KCNIP4: variants seen among roughly 807,000 people sequenced by gnomAD.
KCNIP4 encodes the protein potassium voltage-gated channel interacting protein 4.
In KCNIP4, 12 loss-of-function variants were observed where a neutral mutation model predicts 34.0. The ratio of observed to expected loss-of-function variants is 0.35; its 90% confidence interval spans 0.23 to 0.57. The LOEUF is 0.57. KCNIP4 is among the 20% of genes least tolerant of loss of function. KCNIP4 has a pLI of 0.83. For synonymous variants in KCNIP4, 124 were observed against 102.2 expected (o/e 1.21, Z -1.29); for missense variants, 238 against 311.7 (o/e 0.76, Z 1.78).
chr4:20,955,311 G>A (rs2149648798), intron 1 of KCNIP4, among the ~76,000 whole-genome samples: 1 of 152,272 alleles, frequency 6.6e-6, no homozygotes, highest in African/African-American at 2.4e-5. Flanking sequence ...CCCTCAAACA[G>A]CTATTAATAT....
intron 1 of KCNIP4, among the ~76,000 whole-genome samples, chr4:20,932,816 G>C (rs1276677513): frequency 6.6e-6 from 1 of 151,968 alleles, no homozygotes. Flanking sequence ...AAACAAATGA[G>C]AAAAAAATTG....
rs144683044 is a variant in KCNIP4, at chr4:21,283,147, C to T, written c.62-400438G>A. ...TCCAGAAAAGGAAAATCTATAAAGA[C>T]GGAAAGTAGATTAGTAGTTGCCTGG... On this transcript the variant is annotated intron_variant, in intron 1 of 8. Coordinates refer to ENST00000382152, the MANE Select transcript of KCNIP4 (RefSeq NM_025221.6). 2.8e-4 allele frequency among the ~76,000 whole-genome samples: 43 copies of T among 152,158 alleles called. No homozygotes were observed. In the East Asian group the frequency reaches 7.0e-3, roughly 25 times the overall value.
At chr4:20,734,203 A>G (rs1303850332) in intron 6 of KCNIP4, among the ~76,000 whole-genome samples, 1 of 152,180 alleles carries the variant, frequency 6.6e-6, no homozygotes, top group African/African-American at 2.4e-5. Flanking sequence ...GTCTGCCTCA[A>G]CGTGCATTTG....
At chr4:21,415,534 T>A (rs7665732) in intron 1 of KCNIP4, among the ~76,000 whole-genome samples, 21,202 of 149,014 alleles carry the variant, frequency 0.14, 1,793 homozygotes, top group East Asian at 0.33. Flanking sequence ...TCTACTAAAA[T>A]TACAAAAAAA....
intron 1 of KCNIP4, among the ~76,000 whole-genome samples, chr4:21,589,995 G>A (rs1467473980): frequency 6.6e-6 from 1 of 151,914 alleles, no homozygotes; most frequent in African/African-American, 2.4e-5. Context: ...TTTGGAAGGA[G>A]CAACTAGAAT....
intron 1 of KCNIP4, among the ~76,000 whole-genome samples, chr4:21,437,700 A>G (rs182680085): frequency 3.0e-3 from 460 of 152,310 alleles, no homozygotes; most frequent in Non-Finnish European, 5.5e-3. Context: ...GCTTAACTAA[A>G]TACGCAGTGA....
chr4:20,893,700 A>G (rs1007064503), intron 1 of KCNIP4, among the ~76,000 whole-genome samples: 9 of 151,636 alleles, frequency 5.9e-5, no homozygotes, highest in Non-Finnish European at 2.9e-5. Context: ...CTGGGATTAC[A>G]TATGTGAGCC....
At chr4:21,876,644 A>G (rs1006707360) in intron 1 of KCNIP4, among the ~76,000 whole-genome samples, 1 of 152,202 alleles carries the variant, frequency 6.6e-6, no homozygotes, top group Non-Finnish European at 1.5e-5. Flanking sequence ...ATAAGTTAAA[A>G]TAGATTTCAA....
intron 1 of KCNIP4, among the ~76,000 whole-genome samples, chr4:21,204,804 CA>C (rs1249655551): frequency 6.6e-6 from 1 of 152,130 alleles, no homozygotes; most frequent in East Asian, 1.9e-4. Context: ...ATGTGTTCAA[CA>C]AACATTTACT....
intron 1 of KCNIP4, among the ~76,000 whole-genome samples, chr4:21,150,248 G>C (rs185618048): frequency 4.6e-5 from 7 of 152,324 alleles, no homozygotes; most frequent in Admixed American, 3.3e-4. Flanking sequence ...ACTCCAGAAA[G>C]TTTGAGACTG....
At chr4:20,733,124 ATCTT>A (rs767121925) in intron 6 of KCNIP4, among the ~76,000 whole-genome samples, 4 of 152,202 alleles carry the variant, frequency 2.6e-5, no homozygotes, top group Non-Finnish European at 5.9e-5. Context: ...TGCATTATAT[ATCTT>A]ATGTGTTGAT....
chr4:21,120,918 A>G lies in KCNIP4; in HGVS notation c.62-238209T>C, dbSNP rs530626094. Among the ~76,000 whole-genome samples, 108 of 152,306 alleles carry G rather than the reference A, an allele frequency of 7.1e-4. 1 individual carries two copies. Among genetic ancestry groups the G allele is most frequent in the African/African-American group, 2.4e-3 (100 of 41,564 alleles). On this transcript the variant is annotated intron_variant, in intron 1 of 8. Coordinates refer to ENST00000382152, the MANE Select transcript of KCNIP4 (RefSeq NM_025221.6). ...AAATACAGTCACATTTTGAGGCACT[A>G]GGGGTTAGAATTTCAACATGTAAAT...
intron 1 of KCNIP4, among the ~76,000 whole-genome samples, chr4:21,874,155 T>A (rs1725967945): frequency 6.6e-6 from 1 of 152,204 alleles, no homozygotes; most frequent in African/African-American, 2.4e-5. Context: ...ACCAGAATGG[T>A]TATGTCACAT....
At chr4:21,925,491 C>T in intron 1 of KCNIP4, among the ~76,000 whole-genome samples, 1 of 152,108 alleles carries the variant, frequency 6.6e-6, no homozygotes, top group Non-Finnish European at 1.5e-5. Flanking sequence ...CGTTGTTGGA[C>T]ATTTAGGTTG....
intron 1 of KCNIP4, among the ~76,000 whole-genome samples, chr4:20,935,219 T>C (rs1730940026): frequency 6.6e-6 from 1 of 152,174 alleles, no homozygotes. Context: ...ACTATTCCAC[T>C]AACTAGAGAG....
At chr4:20,751,508 G>A (rs1753627726) in intron 4 of KCNIP4, among the ~76,000 whole-genome samples, 1 of 151,764 alleles carries the variant, frequency 6.6e-6, no homozygotes, top group Admixed American at 6.6e-5. Context: ...TGAATTGATC[G>A]ATGGTGTGTT....
At chr4:21,839,755 C>CA (rs35101291) in intron 1 of KCNIP4, among the ~76,000 whole-genome samples, 57,498 of 151,566 alleles carry the variant, frequency 0.38, 12,540 homozygotes, top group Non-Finnish European at 0.51. Flanking sequence ...AACTCCATCT[C>CA]AAAAAAAAGA....
chr4:21,426,903 T>TC (rs1725976249), intron 1 of KCNIP4, among the ~76,000 whole-genome samples: 1 of 87,584 alleles, frequency 1.1e-5, no homozygotes, highest in African/African-American at 4.0e-5. Flanking sequence ...CTTTTTTAAC[T>TC]TTTTTTTTTT....
chr4:21,580,706 T>C, intron 1 of KCNIP4, among the ~76,000 whole-genome samples: 1 of 152,080 alleles, frequency 6.6e-6, no homozygotes, highest in Non-Finnish European at 1.5e-5. Flanking sequence ...CGCACACCAT[T>C]ACATCAAAGA....
Sources: gnomAD v4.1 joint callset for allele counts (sites outside exome capture counted in the v4.1 genomes callset) on GRCh38, gnomAD v4.1.1 for gene constraint, MANE v1.5 for transcripts, NCBI Gene and HGNC (gene_info 2026-07-23, HGNC 2026-07-21) for gene names.